Variants in SCARB1 observed in about 807,000 individuals in gnomAD.
SCARB1 encodes CD36 and LIMPII analogous 1.
In SCARB1, 30 loss-of-function variants were observed where a neutral mutation model predicts 57.2. The ratio of observed to expected loss-of-function variants is 0.52; its 90% CI spans 0.39 to 0.71. The LOEUF (loss-of-function observed/expected upper bound fraction) is 0.71, where lower values mean the gene tolerates loss of function less well. Among genes scored for constraint, SCARB1 ranks in the 30% least tolerant of loss-of-function variants. The pLI is 0.00. For synonymous variants in SCARB1, 249 were observed against 268.3 expected (o/e 0.93, Z 0.70); for missense variants, 543 against 671.2 (o/e 0.81, Z 2.11).
Position 124,778,178 on chromosome 12 carries a change from C to T in SCARB1, c.*409G>A, listed in dbSNP as rs781218510. On this transcript the variant is annotated 3_prime_UTR_variant, in exon 13 of 13. Transcript: ENST00000261693. ...CGTCCTGCATGGGGAGCCACCACAC[C>T]GGGACTGCAGTGTTTCACCTTGGAG... The T allele has an allele frequency of 5.5e-5, 18 of 327,402 alleles. No homozygotes were observed. The highest frequency in any genetic ancestry group is 2.0e-4 in the East Asian group (4 of 20,322). The allele number at this position is 327,402 out of a possible 1,614,324, so 20.3% of individuals were successfully genotyped here. A position where few individuals can be genotyped will look rare whatever the true frequency, so the allele number is the denominator to read the frequency against.
intron 1 of SCARB1, among the ~76,000 whole-genome samples, chr12:124,849,856 A>AGTTC (rs1014101136): frequency 2.7e-4 from 40 of 150,894 alleles, no homozygotes; most frequent in African/African-American, 7.8e-4. Context: ...TGAGGCCAGG[A>AGTTC]GTTCAAGACC....
At chr12:124,845,016 G>C (rs936118333) in intron 1 of SCARB1, among the ~76,000 whole-genome samples, 1 of 151,764 alleles carries the variant, frequency 6.6e-6, no homozygotes, top group Non-Finnish European at 1.5e-5. Context: ...GCAGGCTCCG[G>C]AATCTAGGAC....
At chr12:124,786,096 T>A (rs757473303) in intron 11 of SCARB1, 9 of 1,532,772 alleles carry the variant, frequency 5.9e-6, no homozygotes, top group Middle Eastern at 1.7e-4. Context: ...GTCTCATTAC[T>A]CAAAGCCCAC....
At chr12:124,805,725 A>ATTT (rs755476758) in intron 7 of SCARB1, among the ~76,000 whole-genome samples, 954 of 79,422 alleles carry the variant, frequency 0.012, 6 homozygotes, top group East Asian at 0.032. Flanking sequence ...TGCCTAGCTA[A>ATTT]TTTTTTTTTT....
chr12:124,826,940 C>CA (rs1951183544), intron 1 of SCARB1, among the ~76,000 whole-genome samples: 1 of 152,140 alleles, frequency 6.6e-6, no homozygotes, highest in Non-Finnish European at 1.5e-5. Context: ...TACCTGCAAA[C>CA]AATCTCAGGA....
intron 1 of SCARB1, among the ~76,000 whole-genome samples, chr12:124,839,001 C>T (rs900137644): frequency 6.6e-6 from 1 of 152,090 alleles, no homozygotes; most frequent in African/African-American, 2.4e-5. Flanking sequence ...TCTTGAACTC[C>T]TGACCTCGTG....
intron 7 of SCARB1, among the ~76,000 whole-genome samples, chr12:124,802,052 A>G (rs749789021): frequency 3.3e-5 from 5 of 150,490 alleles, no homozygotes; most frequent in African/African-American, 9.8e-5. Context: ...CAGGAGGCTG[A>G]GGCAGGAGAA....
chr12:124,833,790 T>C (rs1951516832), intron 1 of SCARB1, among the ~76,000 whole-genome samples: 1 of 152,210 alleles, frequency 6.6e-6, no homozygotes, highest in Non-Finnish European at 1.5e-5. Flanking sequence ...TCCTCTTTAA[T>C]GGGAAGCTCC....
At chr12:124,851,348 G>A (rs936666561) in intron 1 of SCARB1, among the ~76,000 whole-genome samples, 2 of 152,098 alleles carry the variant, frequency 1.3e-5, no homozygotes, top group South Asian at 4.1e-4. Flanking sequence ...CCCTGTCACG[G>A]GACCCAGGAA....
chr12:124,847,833 C>T (rs1952225782), intron 1 of SCARB1, among the ~76,000 whole-genome samples: 1 of 152,168 alleles, frequency 6.6e-6, no homozygotes, highest in Non-Finnish European at 1.5e-5. Context: ...ATCAGAAACA[C>T]TCTGCTCCAA....
chr12:124,782,380 AAG>A (rs1309555028), intron 12 of SCARB1, among the ~76,000 whole-genome samples: 1 of 152,242 alleles, frequency 6.6e-6, no homozygotes, highest in African/African-American at 2.4e-5. Context: ...TCTATTGCAC[AAG>A]AGATTCCAGA....
At chr12:124,794,123 C>T (rs906237897) in intron 9 of SCARB1, among the ~76,000 whole-genome samples, 3 of 152,064 alleles carry the variant, frequency 2.0e-5, no homozygotes, top group Admixed American at 6.6e-5. Flanking sequence ...AGTGGATGAA[C>T]GGTTGCCTGG....
chr12:124,781,581 T>A (rs1873479168), intron 12 of SCARB1, among the ~76,000 whole-genome samples: 1 of 152,090 alleles, frequency 6.6e-6, no homozygotes, highest in African/African-American at 2.4e-5. Flanking sequence ...CCCAGGGGCA[T>A]CAGCCTATGT....
chr12:124,796,495 G>T lies in SCARB1; in HGVS notation c.1129-1227C>A, dbSNP rs112910435. Among the ~76,000 whole-genome samples, 5 of 152,150 alleles carry T rather than the reference G, an allele frequency of 3.3e-5. No individual in the cohort carries two copies. The highest frequency in any genetic ancestry group is 1.2e-4 in the African/African-American group (5 of 41,438). On this transcript the variant is annotated intron_variant, in intron 8 of 12. Transcript: ENST00000261693. The surrounding 1 kb of genome is among the most constrained non-coding windows in gnomAD (Gnocchi z 4.0). The stretch of plus-strand genomic sequence containing the variant: ...CAGAATGAAGTCAGGAAATGATAGT[G>T]GAAATAAAACTAGATTTGAGGTCAG...
At chr12:124,834,999 T>A (rs1050895686) in intron 1 of SCARB1, among the ~76,000 whole-genome samples, 2 of 152,132 alleles carry the variant, frequency 1.3e-5, no homozygotes, top group African/African-American at 2.4e-5. Flanking sequence ...CCATGCCAGG[T>A]CTGCCGACTC....
intron 1 of SCARB1, among the ~76,000 whole-genome samples, 155 bp downstream of exon 1, chr12:124,863,440 C>T (rs1325133549): frequency 6.6e-6 from 1 of 152,158 alleles, no homozygotes; most frequent in African/African-American, 2.4e-5. Context: ...GCAGCCCCTC[C>T]CGAAGCGCCT....
At chr12:124,787,908 G>T (rs1949581447) in intron 9 of SCARB1, among the ~76,000 whole-genome samples, 2 of 152,068 alleles carry the variant, frequency 1.3e-5, no homozygotes, top group Admixed American at 6.5e-5. Context: ...ATATTTTGAG[G>T]GAGAGACCAT....
At chr12:124,779,767 G>A (rs976031763) in intron 12 of SCARB1, among the ~76,000 whole-genome samples, 23 of 152,050 alleles carry the variant, frequency 1.5e-4, no homozygotes, top group African/African-American at 2.9e-4. Flanking sequence ...GCTGGAAACC[G>A]CTGCCCACCT....
chr12:124,855,055 G>C (rs1340147718), intron 1 of SCARB1, among the ~76,000 whole-genome samples: 3 of 152,156 alleles, frequency 2.0e-5, no homozygotes, highest in Non-Finnish European at 4.4e-5. Flanking sequence ...GAGATGAGGA[G>C]GCATCAGCAG....
Sources: allele counts gnomAD v4.1 joint callset (sites outside exome capture counted in the v4.1 genomes callset), GRCh38; gene constraint gnomAD v4.1.1; non-coding constraint Gnocchi (gnomAD v3.1); transcripts MANE v1.5; gene names NCBI Gene and HGNC (gene_info 2026-07-23, HGNC 2026-07-21).